The following ANKAR variants were observed in gnomAD, a reference collection of about 807,000 sequenced individuals.
ANKAR encodes ankyrin and armadillo repeat containing, also known as ankyrin and armadillo repeat-containing protein.
Under a neutral mutation model 146.2 loss-of-function variants are expected in ANKAR, and 136 were observed. The ratio of observed to expected loss-of-function variants is 0.93; its 90% CI spans 0.81 to 1.07. The LOEUF is 1.07. ANKAR is among the 50% of genes least tolerant of loss of function. The probability of loss-of-function intolerance (pLI) is 0.00; values close to 1 mark genes in which losing one functional copy is unlikely to be tolerated. For missense variants in ANKAR, 1,567 were observed against 1,679.9 expected (o/e 0.93, Z 1.18); for synonymous variants, 500 against 575.8 (o/e 0.87, Z 1.88).
chr2:189,718,908 CCCGG>C (rs1262648292), intron 10 of ANKAR, among the ~76,000 whole-genome samples: 1 of 151,548 alleles, frequency 6.6e-6, no homozygotes. Flanking sequence ...CGCCACCGCG[CCCGG>C]CTAATTTTTT....
At chr2:189,712,088 C>T (rs542128922) in intron 10 of ANKAR, among the ~76,000 whole-genome samples, 14 of 152,310 alleles carry the variant, frequency 9.2e-5, no homozygotes, top group African/African-American at 2.4e-4. Flanking sequence ...ACAAAGCGGC[C>T]GGGAAGCTTG....
chr2:189,682,833 T>C (rs528884260), intron 2 of ANKAR, among the ~76,000 whole-genome samples: 1 of 152,208 alleles, frequency 6.6e-6, no homozygotes, highest in East Asian at 1.9e-4. Context: ...ACTTGGGCAA[T>C]TGGGATTTAT....
At chr2:189,714,924 C>T (rs367756103) in intron 10 of ANKAR, among the ~76,000 whole-genome samples, 22 of 121,042 alleles carry the variant, frequency 1.8e-4, no homozygotes, top group East Asian at 1.2e-3. Context: ...CCAGCCTGGG[C>T]GACAGAGTGA....
At chr2:189,695,820 T>A (rs1289268567) in intron 6 of ANKAR, among the ~76,000 whole-genome samples, 4 of 152,238 alleles carry the variant, frequency 2.6e-5, no homozygotes, top group Admixed American at 6.5e-5. Flanking sequence ...TTTCTACAGC[T>A]ATATATTTCA....
Position 189,752,940 on chromosome 2 carries a change from T to C in ANKAR, c.*584+8152T>C. ...GCATTTGTTAAAATTTCCAGAGCTC[T>C]GCGGATATAGAAGTTACTTGCGACA... On this transcript the variant is annotated intron_variant and NMD_transcript_variant, in intron 18 of 18. Coordinates refer to the ANKAR transcript ENST00000441800. 1.2e-6 allele frequency: 2 copies of C among 1,613,164 alleles called. No individual in the cohort carries two copies. Among genetic ancestry groups the C allele is most frequent in the South Asian group, 1.1e-5 (1 of 90,798 alleles).
At chr2:189,684,084 A>G (rs2035157175) in intron 2 of ANKAR, among the ~76,000 whole-genome samples, 1 of 152,234 alleles carries the variant, frequency 6.6e-6, no homozygotes, top group Non-Finnish European at 1.5e-5. Context: ...CCAGAAGGCT[A>G]GGAGGATGGA....
At chr2:189,727,546 A>AT (rs1441438326) in intron 12 of ANKAR, among the ~76,000 whole-genome samples, 2 of 147,802 alleles carry the variant, frequency 1.4e-5, no homozygotes, top group Admixed American at 6.7e-5. Flanking sequence ...AAAAAAAAAA[A>AT]GGGTGGTGGG....
intron 3 of ANKAR, among the ~76,000 whole-genome samples, chr2:189,690,206 C>G (rs2036177203): frequency 6.6e-6 from 1 of 152,070 alleles, no homozygotes; most frequent in South Asian, 2.1e-4. Context: ...AAAATAAGTT[C>G]TGTATGAATA....
chr2:189,704,926 A>G, intron 7 of ANKAR, 97 bp from the exon 8 acceptor site: 5 of 1,139,052 alleles, frequency 4.4e-6, no homozygotes, highest in Non-Finnish European at 6.4e-6. Flanking sequence ...TATATCATAC[A>G]ATACTAAGCT....
chr2:189,757,740 T>C (rs930598065), intron 18 of ANKAR, among the ~76,000 whole-genome samples: 4 of 152,236 alleles, frequency 2.6e-5, no homozygotes, highest in Non-Finnish European at 5.9e-5. Flanking sequence ...GTCTCATTTA[T>C]ATTTGTATCC....
intron 16 of ANKAR, among the ~76,000 whole-genome samples, chr2:189,732,209 G>GAAA (rs1320452632): frequency 6.6e-6 from 1 of 152,030 alleles, no homozygotes; most frequent in Non-Finnish European, 1.5e-5. Flanking sequence ...GAAATGCATA[G>GAAA]TACAACACTT....
chr2:189,687,403 G>A (rs751710635), intron 2 of ANKAR, among the ~76,000 whole-genome samples: 30 of 152,032 alleles, frequency 2.0e-4, no homozygotes, highest in Non-Finnish European at 3.7e-4. Context: ...TGATTATTAC[G>A]AACAGTGCTG....
At chr2:189,744,080 G>C (rs1004329440) in intron 21 of ANKAR, among the ~76,000 whole-genome samples, 1 of 152,138 alleles carries the variant, frequency 6.6e-6, no homozygotes, top group Non-Finnish European at 1.5e-5. Context: ...TCTCCAAGTA[G>C]TGATATTCAT....
chr2:189,700,440 C>T (rs1239399025), intron 7 of ANKAR, among the ~76,000 whole-genome samples: 1 of 152,120 alleles, frequency 6.6e-6, no homozygotes, highest in East Asian at 1.9e-4. Context: ...GGCATATATA[C>T]TTGGAGTACA....
At position 189,743,256 on chromosome 2, in the gene ANKAR, G is replaced by A; in HGVS notation, c.3811-19G>A. 3 of 1,607,186 alleles carry A rather than the reference G, an allele frequency of 1.9e-6. No homozygotes were observed. Among genetic ancestry groups the A allele is most frequent in the Non-Finnish European group, 2.6e-6 (3 of 1,175,580 alleles). On this transcript the variant is annotated intron_variant, in intron 20 of 22. Coordinates refer to ENST00000684021, the MANE Select transcript of ANKAR (RefSeq NM_001378068.1). ...AGAACAAAGCCCACTGGTTAAGAAAGAATTGTTTCTTCATTTAGGTTCGTG... is the reference window on the plus strand; with the variant it reads ...AGAACAAAGCCCACTGGTTAAGAAAAAATTGTTTCTTCATTTAGGTTCGTG...
intron 8 of ANKAR, among the ~76,000 whole-genome samples, chr2:189,705,740 GAAT>G (rs968882004): frequency 6.6e-6 from 1 of 152,046 alleles, no homozygotes; most frequent in Non-Finnish European, 1.5e-5. Flanking sequence ...ACATTAAAAA[GAAT>G]AAAATAACTT....
intron 10 of ANKAR, among the ~76,000 whole-genome samples, chr2:189,712,673 A>G (rs2039873540): frequency 6.6e-6 from 1 of 152,230 alleles, no homozygotes; most frequent in African/African-American, 2.4e-5. Context: ...GAGAAACCAG[A>G]GCAGAAAAGC....
intron 1 of ANKAR, among the ~76,000 whole-genome samples, chr2:189,675,531 A>G (rs924715923): frequency 6.6e-6 from 1 of 152,094 alleles, no homozygotes; most frequent in Non-Finnish European, 1.5e-5. Flanking sequence ...TATTTTTAGT[A>G]GAGACGGAGT....
chr2:189,727,569 T>C (rs547180558), intron 12 of ANKAR, among the ~76,000 whole-genome samples: 161 of 151,500 alleles, frequency 1.1e-3, no homozygotes, highest in Non-Finnish European at 1.8e-3. Flanking sequence ...GGGAATGTTT[T>C]AATTGTAAGT....
Sources: allele counts gnomAD v4.1 joint callset (sites outside exome capture counted in the v4.1 genomes callset), GRCh38; gene constraint gnomAD v4.1.1; transcripts MANE v1.5; gene names NCBI Gene and HGNC (gene_info 2026-07-23, HGNC 2026-07-21).